The following SMURF1 variants were observed in gnomAD, a reference collection of about 807,000 sequenced individuals.
SMURF1 encodes the protein SMAD specific E3 ubiquitin protein ligase 1.
In SMURF1, 44 loss-of-function variants were observed where a neutral mutation model predicts 98.0. The observed-to-expected ratio is 0.45, with a 90% CI of 0.35 to 0.58. The LOEUF (loss-of-function observed/expected upper bound fraction) is 0.58. SMURF1 is among the 20% of genes least tolerant of loss of function. SMURF1 has a pLI of 0.00. For missense variants in SMURF1, 687 were observed against 938.4 expected (o/e 0.73, Z 3.50); for synonymous variants, 396 against 374.9 (o/e 1.06, Z -0.65).
intron 1 of SMURF1, among the ~76,000 whole-genome samples, chr7:99,090,999 A>G (rs1196692634): frequency 1.3e-5 from 2 of 152,200 alleles, no homozygotes; most frequent in African/African-American, 4.8e-5. Flanking sequence ...CAGCCACACT[A>G]ATCAGTTTAC....
intron 12 of SMURF1, among the ~76,000 whole-genome samples, chr7:99,041,150 T>C (rs1795364559): frequency 6.6e-6 from 1 of 152,104 alleles, no homozygotes; most frequent in Admixed American, 6.6e-5. Flanking sequence ...GCCTGTAATC[T>C]CAACACTTTG....
At chr7:99,125,290 T>C (rs1584207172) in intron 1 of SMURF1, among the ~76,000 whole-genome samples, 1 of 152,182 alleles carries the variant, frequency 6.6e-6, no homozygotes, top group East Asian at 1.9e-4. Flanking sequence ...TCTCACTATG[T>C]TGCCCCAGCT....
chr7:99,137,543 A>G (rs943914194), intron 1 of SMURF1, among the ~76,000 whole-genome samples: 1 of 152,176 alleles, frequency 6.6e-6, no homozygotes, highest in Non-Finnish European at 1.5e-5. Context: ...GCTTCGTGAC[A>G]TGCTCCTCCA....
intron 1 of SMURF1, among the ~76,000 whole-genome samples, chr7:99,137,590 C>T (rs189750905): frequency 7.9e-5 from 12 of 152,302 alleles, no homozygotes; most frequent in Non-Finnish European, 2.9e-5. Context: ...GGCTCCGGAG[C>T]TTAAAACATC....
chr7:99,070,051 T>C (rs1420087396), intron 1 of SMURF1, among the ~76,000 whole-genome samples: 2 of 152,242 alleles, frequency 1.3e-5, no homozygotes, highest in African/African-American at 4.8e-5. Context: ...GCTTAAAATA[T>C]GGATGTTACA....
chr7:99,142,597 G>A (rs1323339266), intron 1 of SMURF1, among the ~76,000 whole-genome samples: 1 of 142,442 alleles, frequency 7.0e-6, no homozygotes, highest in African/African-American at 2.6e-5. Context: ...GGGCTTGAAA[G>A]TGAGGGGCGG....
intron 1 of SMURF1, among the ~76,000 whole-genome samples, chr7:99,124,650 AG>A (rs1243197046): frequency 6.6e-6 from 1 of 152,138 alleles, no homozygotes; most frequent in African/African-American, 2.4e-5. Flanking sequence ...AGTGTCAAAA[AG>A]GAAAAAAAAA....
intron 8 of SMURF1, chr7:99,051,116 A>G (rs766770182): frequency 5.0e-4 from 446 of 891,964 alleles, no homozygotes; most frequent in Admixed American, 7.2e-4. Context: ...ATTGCTGTGT[A>G]ACCAACTTCA....
intron 13 of SMURF1, 124 bp downstream of exon 13, chr7:99,040,253 TA>T: frequency 9.3e-7 from 1 of 1,070,666 alleles, no homozygotes; most frequent in Non-Finnish European, 1.3e-6. Context: ...TTTCAGGTTA[TA>T]ATACAATGGC....
At chr7:99,058,893 T>C (rs1417503046) in intron 3 of SMURF1, among the ~76,000 whole-genome samples, 2 of 151,918 alleles carry the variant, frequency 1.3e-5, no homozygotes, top group Non-Finnish European at 2.9e-5. Flanking sequence ...AAGACCAGCC[T>C]GGCCAACATG....
chr7:99,092,518 C>G (rs1796835153), intron 1 of SMURF1, among the ~76,000 whole-genome samples: 1 of 152,196 alleles, frequency 6.6e-6, no homozygotes, highest in African/African-American at 2.4e-5. Flanking sequence ...TGAGGTCAAA[C>G]CAGGCAACAA....
chr7:99,125,851 A>G (rs1797731991), intron 1 of SMURF1, among the ~76,000 whole-genome samples: 1 of 152,028 alleles, frequency 6.6e-6, no homozygotes, highest in South Asian at 2.1e-4. Flanking sequence ...TCCTGATCCA[A>G]TCTCCCCGAC....
chr7:99,067,327 A>G (rs903734292), intron 1 of SMURF1, among the ~76,000 whole-genome samples: 10 of 152,004 alleles, frequency 6.6e-5, no homozygotes, highest in Non-Finnish European at 1.2e-4. Context: ...AAATACATTT[A>G]TGTACCAATA....
intron 1 of SMURF1, among the ~76,000 whole-genome samples, chr7:99,137,126 G>A (rs1009225290): frequency 6.6e-6 from 1 of 151,946 alleles, no homozygotes. Flanking sequence ...TTATTAACCG[G>A]TTCTATAGAT....
rs1420689275 is a variant in SMURF1, at chr7:99,131,524, G to A, written c.55+12202C>T. Among the ~76,000 whole-genome samples, 11 of 152,098 alleles carry A rather than the reference G, an allele frequency of 7.2e-5. No homozygotes were observed. In the South Asian group the frequency reaches 8.3e-4, roughly 11 times the overall value. ...TTTGGGAGACCAAGATGGGAGGATC[G>A]CTTGAAGCCAGGAGTTCTGGACAAG... On this transcript the variant is annotated intron_variant, in intron 1 of 17. Transcript: ENST00000361368.
chr7:99,108,697 T>C (rs1267075069), intron 1 of SMURF1, among the ~76,000 whole-genome samples: 2 of 149,720 alleles, frequency 1.3e-5, no homozygotes, highest in African/African-American at 4.9e-5. Flanking sequence ...GAGCAGAGCA[T>C]TTTCCAGAGC....
At chr7:99,096,382 C>G (rs939640134) in intron 1 of SMURF1, among the ~76,000 whole-genome samples, 1 of 152,206 alleles carries the variant, frequency 6.6e-6, no homozygotes, top group African/African-American at 2.4e-5. Flanking sequence ...ACACAAGACA[C>G]AGAGTCTCAG....
At chr7:99,122,668 T>C (rs1336454490) in intron 1 of SMURF1, among the ~76,000 whole-genome samples, 1 of 147,998 alleles carries the variant, frequency 6.8e-6, no homozygotes, top group African/African-American at 2.5e-5. Context: ...AAAAAAGTAG[T>C]GTCCTTGACC....
intron 17 of SMURF1, among the ~76,000 whole-genome samples, chr7:99,031,838 C>T (rs913154252): frequency 2.0e-5 from 3 of 152,198 alleles, no homozygotes; most frequent in African/African-American, 4.8e-5. Context: ...CATCATCTCA[C>T]GGGGCATCTC....
Sources: allele counts gnomAD v4.1 joint callset (sites outside exome capture counted in the v4.1 genomes callset), GRCh38; gene constraint gnomAD v4.1.1; transcripts MANE v1.5; gene names NCBI Gene and HGNC (gene_info 2026-07-23, HGNC 2026-07-21).